BTLA: variants seen among roughly 807,000 people sequenced by gnomAD.
The protein encoded by BTLA is B and T lymphocyte associated.
A neutral mutation model predicts 25.0 loss-of-function variants in BTLA; 11 were observed. The observed-to-expected ratio is 0.44, with a 90% CI of 0.28 to 0.73. The LOEUF is 0.73. BTLA is among the 30% of genes least tolerant of loss of function. The probability of loss-of-function intolerance (pLI) is 0.15; values close to 1 mark genes in which losing one functional copy is unlikely to be tolerated. For missense variants in BTLA, 282 were observed against 332.8 expected (o/e 0.85, Z 1.19); for synonymous variants, 104 against 119.8 (o/e 0.87, Z 0.86).
intron 2 of BTLA, among the ~76,000 whole-genome samples, chr3:112,473,740 G>C (rs2082275250): frequency 6.7e-6 from 1 of 149,956 alleles, no homozygotes; most frequent in South Asian, 2.1e-4. Context: ...TCAGCCTCCT[G>C]AGTAGTTGGG....
At chr3:112,487,919 GTCC>G (rs1191841526) in intron 1 of BTLA, among the ~76,000 whole-genome samples, 6 of 152,082 alleles carry the variant, frequency 3.9e-5, no homozygotes, top group Admixed American at 3.3e-4. Flanking sequence ...GGCAAATTTG[GTCC>G]TCCTCTCATT....
At chr3:112,477,110 T>G (rs2082292821) in intron 2 of BTLA, among the ~76,000 whole-genome samples, 1 of 152,186 alleles carries the variant, frequency 6.6e-6, no homozygotes, top group Non-Finnish European at 1.5e-5. Context: ...TTCTACCTTT[T>G]GGCTATTGTG....
intron 1 of BTLA, among the ~76,000 whole-genome samples, chr3:112,485,049 A>G (rs775074155): frequency 1.3e-5 from 2 of 151,754 alleles, no homozygotes; most frequent in Non-Finnish European, 2.9e-5. Flanking sequence ...TTTTTAATTA[A>G]TTTATTTTTT....
At position 112,464,148 on chromosome 3, in the gene BTLA, G is replaced by A. The variant is rs55809196; in HGVS notation, c.*1960C>T. On this transcript the variant is annotated 3_prime_UTR_variant, in exon 5 of 5. Transcript: ENST00000334529. Reference sequence around the variant, plus strand: ...TTTGGGAAAATGCATGTATGTCTCTGACACCATTTTGAAAAGGAATAAAAA... The same window carrying A: ...TTTGGGAAAATGCATGTATGTCTCTAACACCATTTTGAAAAGGAATAAAAA... 23,054 of 396,902 alleles carry A rather than the reference G, an allele frequency of 0.058. 863 individuals carry two copies. Among genetic ancestry groups the A allele is most frequent in the African/African-American group, 0.095 (4,621 of 48,606 alleles). The allele number at this position is 396,902 out of a possible 1,614,324, so 24.6% of individuals were successfully genotyped here.
chr3:112,476,890 C>T (rs2082291383), intron 2 of BTLA, among the ~76,000 whole-genome samples: 1 of 152,150 alleles, frequency 6.6e-6, no homozygotes, highest in African/African-American at 2.4e-5. Flanking sequence ...TACTTTCTGT[C>T]TCTATGGATT....
intron 1 of BTLA, among the ~76,000 whole-genome samples, chr3:112,497,075 A>G (rs1191088614): frequency 2.0e-5 from 3 of 152,242 alleles, no homozygotes; most frequent in African/African-American, 4.8e-5. Flanking sequence ...TGGGCTAAAT[A>G]TATTGCAAAA....
At position 112,479,575 on chromosome 3, in the gene BTLA, T is replaced by C. The variant is rs1248819612; in HGVS notation, c.283A>G (p.Ile95Val). ...RQTSWKEEKNISFFILHFEPV... is the reference protein window; with the variant it reads ...RQTSWKEEKNVSFFILHFEPV... ...TCAAAATGTAGAATGAAAAATGAAA[T>C]GTTCTTCTCTTCCTTCCAACTTGTT... Residue 95 changes from isoleucine to valine, a missense_variant, in exon 2 of 5, where the codon ATT becomes GTT. Coordinates refer to ENST00000334529, the MANE Select transcript of BTLA (RefSeq NM_181780.4). The C allele has an allele frequency of 1.4e-5, 23 of 1,614,102 alleles. No individual in the cohort carries two copies. Among genetic ancestry groups the C allele is most frequent in the Non-Finnish European group, 1.9e-5 (23 of 1,179,942 alleles).
At chr3:112,484,393 CA>C (rs1052749848) in intron 1 of BTLA, among the ~76,000 whole-genome samples, 61 of 152,166 alleles carry the variant, frequency 4.0e-4, no homozygotes, top group African/African-American at 1.4e-3. Context: ...ATGTCTGTTT[CA>C]AATGCTAACA....
chr3:112,477,717 CAG>C (rs1428123319), intron 2 of BTLA, among the ~76,000 whole-genome samples: 3 of 152,040 alleles, frequency 2.0e-5, no homozygotes, highest in African/African-American at 4.8e-5. Flanking sequence ...CCTAAGAAAT[CAG>C]AGTTTTATTG....
chr3:112,493,775 T>C (rs1361366933), intron 1 of BTLA, among the ~76,000 whole-genome samples: 4 of 151,718 alleles, frequency 2.6e-5, no homozygotes, highest in Non-Finnish European at 5.9e-5. Flanking sequence ...GTGCTGGGAT[T>C]ACAGGCGAGA....
chr3:112,480,378 T>G (rs112588353), intron 1 of BTLA, among the ~76,000 whole-genome samples: 2 of 152,190 alleles, frequency 1.3e-5, no homozygotes, highest in Non-Finnish European at 2.9e-5. Flanking sequence ...CAAAGCCTGT[T>G]TGGTGGTCTC....
At chr3:112,467,399 A>G (rs2107306225) in intron 4 of BTLA, among the ~76,000 whole-genome samples, 1 of 152,252 alleles carries the variant, frequency 6.6e-6, no homozygotes, top group East Asian at 1.9e-4. Context: ...TACCTATACA[A>G]AGGTTCACCT....
chr3:112,476,987 A>T (rs756739728), intron 2 of BTLA, among the ~76,000 whole-genome samples: 4 of 152,166 alleles, frequency 2.6e-5, no homozygotes, highest in Non-Finnish European at 5.9e-5. Context: ...TCTGAGGTTC[A>T]TCAATGTTGT....
At chr3:112,475,428 C>T (rs543956292) in intron 2 of BTLA, among the ~76,000 whole-genome samples, 1 of 152,302 alleles carries the variant, frequency 6.6e-6, no homozygotes, top group South Asian at 2.1e-4. Flanking sequence ...GAATGTTATT[C>T]CCTTTCCCCT....
In BTLA at chr3:112,465,932, T is replaced by A. The variant is rs566167309; in HGVS notation, c.*176A>T. 173 of 602,476 alleles carry A rather than the reference T, an allele frequency of 2.9e-4. 1 individual carries two copies. The highest frequency in any genetic ancestry group is 2.8e-3 in the African/African-American group (154 of 54,042). The allele number at this position is 602,476 out of a possible 1,614,324, so 37.3% of individuals were successfully genotyped here. A position where few individuals can be genotyped will look rare whatever the true frequency, so the allele number is the denominator to read the frequency against. ...AATATAAAAAGCTCCCAAATAAGTT[T>A]CTGAGAGAAATTTTAATCATTTATC... On this transcript the variant is annotated 3_prime_UTR_variant, in exon 5 of 5. Transcript: ENST00000334529.
chr3:112,483,266 A>G (rs2082327651), intron 1 of BTLA, among the ~76,000 whole-genome samples: 2 of 146,904 alleles, frequency 1.4e-5, no homozygotes, highest in African/African-American at 2.6e-5. Flanking sequence ...CTCCTGCCTC[A>G]GCCTCCCGGG....
intron 1 of BTLA, among the ~76,000 whole-genome samples, chr3:112,491,644 T>C (rs927368324): frequency 1.3e-5 from 2 of 152,190 alleles, no homozygotes; most frequent in African/African-American, 2.4e-5. Context: ...ATATAGGAAA[T>C]ATTCTTAGCA....
chr3:112,481,199 G>T (rs1186766583), intron 1 of BTLA, among the ~76,000 whole-genome samples: 2 of 152,186 alleles, frequency 1.3e-5, no homozygotes, highest in African/African-American at 4.8e-5. Context: ...GCTCTCCCAG[G>T]CTAATGCTTC....
At chr3:112,489,534 C>G (rs2082368466) in intron 1 of BTLA, among the ~76,000 whole-genome samples, 2 of 152,140 alleles carry the variant, frequency 1.3e-5, no homozygotes, top group South Asian at 4.1e-4. Context: ...TGCAACCATT[C>G]AAATAAATGA....
Sources: gnomAD v4.1 joint callset for allele counts (sites outside exome capture counted in the v4.1 genomes callset) on GRCh38, gnomAD v4.1.1 for gene constraint, MANE v1.5 for transcripts, NCBI Gene and HGNC (gene_info 2026-07-23, HGNC 2026-07-21) for gene names.